ADAMTS9: variants seen among roughly 807,000 people sequenced by gnomAD.
ADAMTS9 encodes the protein ADAM metallopeptidase with thrombospondin type 1 motif 9.
Under a neutral mutation model 257.1 loss-of-function variants are expected in ADAMTS9, and 107 were observed. The ratio of observed to expected loss-of-function variants is 0.42; its 90% CI spans 0.36 to 0.49. The LOEUF (loss-of-function observed/expected upper bound fraction) is 0.49. Ranked by LOEUF, ADAMTS9 falls within the 20% of genes least tolerant of loss-of-function variation. ADAMTS9 has a pLI of 0.03. For missense variants in ADAMTS9, 2,353 were observed against 2,469.1 expected (o/e 0.95, Z 1.00); for synonymous variants, 982 against 880.9 (o/e 1.11, Z -2.03).
chr3:64,640,829 C>A (rs189840856), intron 12 of ADAMTS9, among the ~76,000 whole-genome samples: 3 of 151,962 alleles, frequency 2.0e-5, no homozygotes, highest in Admixed American at 6.6e-5. Context: ...ACAACCTTCC[C>A]CCACCCTCCA....
Position 64,622,480 on chromosome 3 carries a change from G to A in ADAMTS9, c.2496C>T (p.Ser832=), listed in dbSNP as rs140612485. 71 of 1,613,978 alleles carry A rather than the reference G, an allele frequency of 4.4e-5. No individual in the cohort carries two copies. The highest frequency in any genetic ancestry group is 2.5e-4 in the African/African-American group (19 of 74,998). Reference sequence around the variant, plus strand: ...AGTTAATTCTTTCTACGGCAGTCTCGGACCCACTGTACTCTACCACAGCAT... The same window carrying A: ...AGTTAATTCTTTCTACGGCAGTCTCAGACCCACTGTACTCTACCACAGCAT... ...IGNAVVEYSG[S]ETAVERINST... The change falls in exon 17 of 40, where the codon TCC becomes TCT. Residue 832 remains serine, a synonymous_variant. Transcript: ENST00000498707.
At chr3:64,599,539 C>T (rs895796182) in intron 26 of ADAMTS9, among the ~76,000 whole-genome samples, 1 of 152,178 alleles carries the variant, frequency 6.6e-6, no homozygotes, top group Non-Finnish European at 1.5e-5. Context: ...AGAAAACATT[C>T]CTCCTCATGG....
rs1440896546 is a variant in ADAMTS9, at chr3:64,633,544, A to C, written c.2103T>G (p.Leu701=). 3.7e-6 allele frequency: 6 copies of C among 1,614,078 alleles called. No individual in the cohort carries two copies. Among genetic ancestry groups the C allele is most frequent in the Non-Finnish European group, 4.2e-6 (5 of 1,180,000 alleles). The change falls in exon 14 of 40, where the codon CTT becomes CTG. Residue 701 remains leucine (L), a synonymous_variant. Transcript: ENST00000498707. The part of the protein sequence containing the change: ...RVAGNTAYYQ[L]RDRVIDGTPC... ...GAGTTCCATCTATCACTCTGTCTCG[A>C]AGCTGATAGTAGGCTGTGTTCCCTG...
In ADAMTS9 at chr3:64,622,299, G is replaced by A; in HGVS notation, c.2585C>T (p.Pro862Leu). Residue 862 changes from proline (P) to leucine (L), a missense_variant, in exon 18 of 40, where the codon CCC becomes CTC. Pro to Leu is a moderately conservative substitution (Grantham distance 98, BLOSUM62 -3). This residue lies in a region of ADAMTS9 where 1,402 missense variants were observed against 1,441.4 expected (regional missense o/e 0.97). Transcript: ENST00000498707. ...AATATTGAAAGAATAGCGTACATCGGGGTTGTACAACTTTCCCACCGACAA... is the reference window on the plus strand; with the variant it reads ...AATATTGAAAGAATAGCGTACATCGAGGTTGTACAACTTTCCCACCGACAA... ...QVLSVGKLYN[P>L]DVRYSFNIPI... 6.2e-7 allele frequency: 1 copy of A among 1,613,580 alleles called. No homozygotes were observed. Among genetic ancestry groups the A allele is most frequent in the Non-Finnish European group, 8.5e-7 (1 of 1,179,890 alleles).
intron 38 of ADAMTS9, among the ~76,000 whole-genome samples, chr3:64,529,576 G>T (rs944297448): frequency 6.6e-6 from 1 of 152,200 alleles, no homozygotes; most frequent in Non-Finnish European, 1.5e-5. Flanking sequence ...GCCCTCGGGG[G>T]CCAGATCGTA....
chr3:64,565,653 G>C (rs1350073151), intron 29 of ADAMTS9: 1 of 152,116 alleles, frequency 6.6e-6, no homozygotes, highest in Non-Finnish European at 1.5e-5. Context: ...AGTTAAAAAA[G>C]TTTTACTGTG....
chr3:64,627,303 A>G (rs1320933904), intron 16 of ADAMTS9, among the ~76,000 whole-genome samples: 2 of 152,052 alleles, frequency 1.3e-5, no homozygotes, highest in African/African-American at 2.4e-5. Context: ...GGAGAAAGAG[A>G]GGAGCACAAA....
At chr3:64,544,755 T>C (rs542775377) in intron 32 of ADAMTS9, among the ~76,000 whole-genome samples, 2 of 152,202 alleles carry the variant, frequency 1.3e-5, no homozygotes, top group East Asian at 3.9e-4. Context: ...AAAGCCAAAA[T>C]AGACAAACAG....
chr3:64,521,227 C>T (rs1213426407), intron 39 of ADAMTS9, among the ~76,000 whole-genome samples: 3 of 152,038 alleles, frequency 2.0e-5, no homozygotes, highest in East Asian at 1.9e-4. Context: ...CACAGAAATG[C>T]AAGTCAAAAC....
rs1383344902 is a variant in ADAMTS9, at chr3:64,519,792, T to G, written c.*5+2374A>C. ...CAAGGCATAAGACATCAAAAGAACA[T>G]ACCTCAAAATAAAAGCCATCTCTAA... On this transcript the variant is annotated intron_variant, in intron 39 of 39. Transcript: ENST00000498707. 2.0e-5 allele frequency among the ~76,000 whole-genome samples: 3 copies of G among 152,024 alleles called. No homozygotes were observed. The East Asian group carries it at 5.8e-4, about 29-fold the overall frequency.
chr3:64,658,120 A>G (rs1436032806), intron 4 of ADAMTS9, among the ~76,000 whole-genome samples: 1 of 152,182 alleles, frequency 6.6e-6, no homozygotes, highest in Non-Finnish European at 1.5e-5. Context: ...GGACAAGCTA[A>G]AGGCCACAGG....
intron 28 of ADAMTS9, chr3:64,588,570 C>T (rs1162307690): frequency 6.6e-6 from 1 of 152,076 alleles, no homozygotes; most frequent in Non-Finnish European, 1.5e-5. Context: ...CTACCTCCCA[C>T]TCCACATTCC....
rs768170215 is a variant in ADAMTS9, at chr3:64,596,947, T to A, written c.4062A>T (p.Val1354=). ...CGGTGTATCCATTTTCATCCTGACA[T>A]ACAACAACACGCCGCTGGGATCCGC... ...CAGGSQRRVV[V]CQDENGYTAN... is the part of the protein sequence containing the mutation. Residue 1354 remains valine (V), a synonymous_variant, in exon 27 of 40, where the codon GTA becomes GTT. Coordinates refer to ENST00000498707, the MANE Select transcript of ADAMTS9 (RefSeq NM_182920.2). The A allele has an allele frequency of 1.9e-5, 31 of 1,612,246 alleles. No individual in the cohort carries two copies. In the South Asian group the frequency reaches 2.3e-4, roughly 12 times the overall value.
rs112905155 is a variant in ADAMTS9 at position 64,648,030 on chromosome 3, C to A, written c.1620G>T (p.Arg540=). The A allele has an allele frequency of 6.2e-7, 1 of 1,612,288 alleles. No homozygotes were observed. The highest frequency in any genetic ancestry group is 1.1e-5 in the South Asian group (1 of 91,004). ...QVCPYMMQCR[R]LWCNNVNGVH... ...CTCCATTGACGTTATTGCACCAGAG[C>A]CGTCTGCACTGCATCTGCTCAATTC... Residue 540 remains arginine, a synonymous_variant, in exon 11 of 40, where the codon CGG becomes CGT. Transcript: ENST00000498707.
At chr3:64,628,941 T>G (rs1250478930) in intron 16 of ADAMTS9, among the ~76,000 whole-genome samples, 1 of 152,224 alleles carries the variant, frequency 6.6e-6, no homozygotes, top group East Asian at 1.9e-4. Context: ...GTAACTAGTC[T>G]TGTCATCTCA....
At chr3:64,571,762 C>G (rs2083690649) in intron 28 of ADAMTS9, among the ~76,000 whole-genome samples, 1 of 152,194 alleles carries the variant, frequency 6.6e-6, no homozygotes, top group African/African-American at 2.4e-5. Flanking sequence ...AGAAAAGCAG[C>G]TGCTCGTGGA....
intron 3 of ADAMTS9, 97 bp downstream of exon 3, chr3:64,681,104 T>C: frequency 7.2e-7 from 1 of 1,379,446 alleles, no homozygotes; most frequent in Non-Finnish European, 9.8e-7. Context: ...ATGCATATGG[T>C]TGCACTTTGT....
chr3:64,518,834 G>A (rs1051683072), intron 39 of ADAMTS9, among the ~76,000 whole-genome samples: 4 of 148,464 alleles, frequency 2.7e-5, no homozygotes, highest in South Asian at 4.3e-4. Context: ...GTGCAGTGGC[G>A]GGGCGTGGTC....
intron 3 of ADAMTS9, among the ~76,000 whole-genome samples, chr3:64,671,879 C>G (rs1701499208): frequency 6.6e-6 from 1 of 152,200 alleles, no homozygotes; most frequent in Admixed American, 6.5e-5. Context: ...AATAAAGACT[C>G]TTTTATGATA....
Sources: gnomAD v4.1 joint callset for allele counts (sites outside exome capture counted in the v4.1 genomes callset) on GRCh38, gnomAD v4.1.1 for gene constraint, gnomAD v4.1.1 regional missense constraint, MANE v1.5 for transcripts, NCBI Gene and HGNC (gene_info 2026-07-23, HGNC 2026-07-21) for gene names.